BTBD9: variants seen among roughly 807,000 people sequenced by gnomAD.
The protein encoded by BTBD9 is BTB domain containing 9.
BTBD9 carries 49 observed loss-of-function variants against 64.3 expected under a neutral mutation model. That is an observed-to-expected ratio of 0.76 (90% confidence interval 0.61 to 0.97). BTBD9 has a LOEUF of 0.97. BTBD9 is among the 50% of genes least tolerant of loss of function. The pLI, the probability that BTBD9 is intolerant of heterozygous loss-of-function variation, is 0.00. For synonymous variants in BTBD9, 260 were observed against 274.7 expected, an observed-to-expected ratio of 0.95 and a Z score of 0.53; for missense variants, 598 against 762.1, an observed-to-expected ratio of 0.78 and a Z score of 2.53.
At chr6:38,241,313 G>A (rs542049266) in intron 9 of BTBD9, among the ~76,000 whole-genome samples, 21 of 152,246 alleles carry the variant, frequency 1.4e-4, no homozygotes, top group African/African-American at 4.8e-4. Context: ...TCTGAGAACC[G>A]CAGATGAGGA....
chr6:38,330,012 C>T (rs16890561), intron 7 of BTBD9, among the ~76,000 whole-genome samples: 9,256 of 152,038 alleles, frequency 0.061, 780 homozygotes, highest in East Asian at 0.39. Flanking sequence ...GTCTCATATG[C>T]TGCCAAGACG....
chr6:38,224,189 G>C (rs1763309371), intron 9 of BTBD9, among the ~76,000 whole-genome samples: 1 of 152,060 alleles, frequency 6.6e-6, no homozygotes, highest in Non-Finnish European at 1.5e-5. Flanking sequence ...CTCCAGCCTG[G>C]GTGACAGAGC....
At chr6:38,590,478 G>T (rs542485890) in intron 4 of BTBD9, among the ~76,000 whole-genome samples, 1 of 152,308 alleles carries the variant, frequency 6.6e-6, no homozygotes, top group South Asian at 2.1e-4. Flanking sequence ...CCAGTGAAAA[G>T]AAATCTAGAC....
In BTBD9 at chr6:38,585,605, C is replaced by G. The variant is rs572600605; in HGVS notation, c.815-5168G>C. On this transcript the variant is annotated intron_variant, in intron 4 of 10. Transcript: ENST00000481247. ...CATTACAGGTGTGAGCCACTGCACC[C>G]AGCTCAAAGAGCTTTGAAAGTATTA... 1.5e-3 allele frequency among the ~76,000 whole-genome samples: 228 copies of G among 152,290 alleles called. 2 individuals carry two copies. The highest frequency in any genetic ancestry group is 1.1e-3 in the Non-Finnish European group (76 of 68,024).
intron 6 of BTBD9, among the ~76,000 whole-genome samples, chr6:38,471,589 T>C (rs1770654912): frequency 6.6e-6 from 1 of 152,150 alleles, no homozygotes; most frequent in African/African-American, 2.4e-5. Context: ...TCTCACTATG[T>C]TGCCCAGGCT....
intron 6 of BTBD9, among the ~76,000 whole-genome samples, chr6:38,500,405 T>C (rs544046076): frequency 6.6e-6 from 1 of 152,230 alleles, no homozygotes; most frequent in Non-Finnish European, 1.5e-5. Context: ...AGTAATTTCA[T>C]CTGGGTTTTT....
intron 6 of BTBD9, among the ~76,000 whole-genome samples, chr6:38,394,680 T>G (rs1766586694): frequency 6.6e-6 from 1 of 150,998 alleles, no homozygotes; most frequent in Non-Finnish European, 1.5e-5. Context: ...AAAAAAAACA[T>G]GGCAGCTGCT....
chr6:38,226,315 C>T (rs1163380917), intron 9 of BTBD9, among the ~76,000 whole-genome samples: 1 of 152,166 alleles, frequency 6.6e-6, no homozygotes, highest in Non-Finnish European at 1.5e-5. Context: ...TGTGGCCACC[C>T]TTCTCAAGAC....
chr6:38,574,396 T>C (rs1337236026), intron 6 of BTBD9, among the ~76,000 whole-genome samples: 1 of 152,104 alleles, frequency 6.6e-6, no homozygotes, highest in East Asian at 1.9e-4. Context: ...TAAAACTGTT[T>C]AAGGCATGTT....
intron 6 of BTBD9, among the ~76,000 whole-genome samples, chr6:38,495,280 G>A (rs1366598630): frequency 6.6e-6 from 1 of 152,188 alleles, no homozygotes; most frequent in Non-Finnish European, 1.5e-5. Flanking sequence ...TCATTGTAAT[G>A]ATGCAAATGA....
intron 6 of BTBD9, among the ~76,000 whole-genome samples, chr6:38,347,911 C>T (rs774696797): frequency 6.6e-6 from 1 of 152,154 alleles, no homozygotes; most frequent in Non-Finnish European, 1.5e-5. Context: ...GCAGGAGAAT[C>T]GCTTGAAACT....
chr6:38,240,214 A>G (rs1438795012), intron 9 of BTBD9, among the ~76,000 whole-genome samples: 1 of 152,216 alleles, frequency 6.6e-6, no homozygotes, highest in Non-Finnish European at 1.5e-5. Context: ...GCCTACTCCC[A>G]TAAATGTTAT....
intron 6 of BTBD9, among the ~76,000 whole-genome samples, chr6:38,478,564 T>C (rs1770996788): frequency 6.6e-6 from 1 of 152,152 alleles, no homozygotes; most frequent in South Asian, 2.1e-4. Context: ...TTTCTTCCCA[T>C]ACTCTCCTTA....
chr6:38,182,293 C>T (rs1470920271), intron 10 of BTBD9, among the ~76,000 whole-genome samples: 3 of 152,216 alleles, frequency 2.0e-5, no homozygotes, highest in Non-Finnish European at 4.4e-5. Context: ...TCACCCCAGG[C>T]AGCCCTGGAA....
Position 38,392,875 on chromosome 6 carries a change from A to ATTT in BTBD9, c.1155-47785_1155-47783dup, listed in dbSNP as rs11403915. ...TATTTTGCTCATCCTTAAGACAATG[A>ATTT]TTTTTTTTTTTTTTTTTGAGATGGA... On this transcript the variant is annotated intron_variant, in intron 6 of 10. Coordinates refer to ENST00000481247, the MANE Select transcript of BTBD9 (RefSeq NM_001099272.2). Among the ~76,000 whole-genome samples, 1,124 of 137,300 alleles carry ATTT rather than the reference A, an allele frequency of 8.2e-3. 44 individuals carry two copies. Among genetic ancestry groups the ATTT allele is most frequent in the African/African-American group, 0.026 (955 of 36,602 alleles). 90.1% of individuals were successfully genotyped at this position (137,300 alleles called of 152,430 possible).
chr6:38,372,810 C>T (rs933490509), intron 6 of BTBD9, among the ~76,000 whole-genome samples: 2 of 152,166 alleles, frequency 1.3e-5, no homozygotes, highest in Non-Finnish European at 2.9e-5. Context: ...CATCCAAATG[C>T]CTTCCATTCC....
chr6:38,288,200 C>A, intron 8 of BTBD9, 72 bp downstream of exon 8: 1 of 1,438,098 alleles, frequency 7.0e-7, no homozygotes, highest in Non-Finnish European at 9.5e-7. Context: ...TTAGGATTAT[C>A]ATTTTACCAA....
At chr6:38,191,712 C>T (rs1194095117) in intron 10 of BTBD9, among the ~76,000 whole-genome samples, 2 of 152,110 alleles carry the variant, frequency 1.3e-5, no homozygotes, top group African/African-American at 4.8e-5. Context: ...ACCCAGGCAT[C>T]CTGGCTCAGG....
chr6:38,468,014 C>A (rs900818105), intron 6 of BTBD9, among the ~76,000 whole-genome samples: 1 of 152,090 alleles, frequency 6.6e-6, no homozygotes, highest in African/African-American at 2.4e-5. Context: ...ATAGGTAATT[C>A]CAATAGAATT....
Sources: allele counts gnomAD v4.1 joint callset (sites outside exome capture counted in the v4.1 genomes callset), GRCh38; gene constraint gnomAD v4.1.1; transcripts MANE v1.5; gene names NCBI Gene and HGNC (gene_info 2026-07-23, HGNC 2026-07-21).